The following EDA variants were observed in gnomAD, a reference collection of about 807,000 sequenced individuals.
The protein encoded by EDA is ectodysplasin A.
In EDA, 2 loss-of-function variants were observed where a neutral mutation model predicts 23.6. The observed-to-expected ratio is 0.08, with a 90% CI of 0.03 to 0.27. EDA has a LOEUF of 0.27. Among genes scored for constraint, EDA ranks in the 10% least tolerant of loss-of-function variants. The pLI, the probability that EDA is intolerant of heterozygous loss-of-function variation, is 1.00. For missense variants in EDA, 229 were observed against 324.2 expected (o/e 0.71, Z 2.26); for synonymous variants, 131 against 132.0 (o/e 0.99, Z 0.05).
intron 1 of EDA, among the ~76,000 whole-genome samples, chrX:69,913,597 G>T (rs1036839995): frequency 2.7e-5 from 3 of 112,249 alleles, no homozygotes; most frequent in Non-Finnish European, 5.6e-5. Flanking sequence ...CGGCAATAAG[G>T]CTGTTTTTCT....
chrX:69,783,232 A>G, intron 1 of EDA, among the ~76,000 whole-genome samples: 1 of 111,561 alleles, frequency 9.0e-6, no homozygotes, highest in Middle Eastern at 4.6e-3. Context: ...GAAGATGGAA[A>G]TCTTTAAGCA....
chrX:69,863,523 ATG>A (rs199661484), intron 1 of EDA, among the ~76,000 whole-genome samples: 22,452 of 61,209 alleles, frequency 0.37, 2,266 homozygotes, highest in Middle Eastern at 0.44. Flanking sequence ...ATGTATATAT[ATG>A]TGTGTGTATA....
intron 2 of EDA, among the ~76,000 whole-genome samples, chrX:69,999,884 G>A (rs959998178): frequency 9.0e-6 from 1 of 111,291 alleles, no homozygotes; most frequent in Non-Finnish European, 1.9e-5. Flanking sequence ...TATATTTATA[G>A]TGTGTCATGA....
chrX:69,621,701 C>T (rs1932186499), intron 1 of EDA, among the ~76,000 whole-genome samples: 1 of 111,639 alleles, frequency 9.0e-6, no homozygotes, highest in Admixed American at 9.5e-5. Flanking sequence ...GTTTTCGTGA[C>T]ATCCATTCAG....
intron 1 of EDA, among the ~76,000 whole-genome samples, chrX:69,750,002 AAGTT>A (rs2013773118): frequency 9.8e-6 from 1 of 102,028 alleles, no homozygotes; most frequent in African/African-American, 3.6e-5. Context: ...AAAATAAAAC[AAGTT>A]AGTTTTCTTT....
chrX:70,003,718 G>A lies in EDA; in HGVS notation c.503-19500G>A, dbSNP rs374858742. On this transcript the variant is annotated intron_variant, in intron 2 of 7. Transcript: ENST00000374552. ...AAAGCTTCTATAACCAAATAAGTTT[G>A]GGAAATGCTGCATTTCATATCCCCT... Among the ~76,000 whole-genome samples, 3 of 111,941 alleles carry A rather than the reference G, an allele frequency of 2.7e-5. No homozygotes were observed. The East Asian group carries it at 8.4e-4, about 31-fold the overall frequency.
At chrX:69,672,881 CA>C (rs746423731) in intron 1 of EDA, among the ~76,000 whole-genome samples, 15,428 of 70,491 alleles carry the variant, frequency 0.22, 1,089 homozygotes, top group Non-Finnish European at 0.25. Flanking sequence ...GACAACGTCT[CA>C]AAAAAAAAAA....
At chrX:69,799,870 G>A (rs1433581823) in intron 1 of EDA, among the ~76,000 whole-genome samples, 2 of 105,426 alleles carry the variant, frequency 1.9e-5, no homozygotes, top group Admixed American at 2.1e-4. Context: ...CCACTACTGG[G>A]AATTTATCCA....
intron 1 of EDA, among the ~76,000 whole-genome samples, chrX:69,695,533 G>A (rs768564685): frequency 7.7e-4 from 62 of 81,027 alleles, no homozygotes; most frequent in African/African-American, 2.4e-3. Flanking sequence ...TTTTTTTGAC[G>A]GAGTCTAGCA....
At chrX:69,776,682 C>G (rs948565392) in intron 1 of EDA, among the ~76,000 whole-genome samples, 1 of 111,316 alleles carries the variant, frequency 9.0e-6, no homozygotes, top group Non-Finnish European at 1.9e-5. Flanking sequence ...TCCTAATCAT[C>G]TGCCTATCTA....
At chrX:69,925,270 T>A (rs982219775) in intron 1 of EDA, among the ~76,000 whole-genome samples, 1 of 111,978 alleles carries the variant, frequency 8.9e-6, no homozygotes, top group African/African-American at 3.2e-5. Flanking sequence ...CCATTGAATA[T>A]GATATTGGCT....
At chrX:69,835,090 G>A (rs190298345) in intron 1 of EDA, among the ~76,000 whole-genome samples, 230 of 111,253 alleles carry the variant, frequency 2.1e-3, no homozygotes, top group Middle Eastern at 4.7e-3. Context: ...TCAGCTGTTA[G>A]TCTGATGGAC....
At chrX:69,772,407 C>T (rs1213001715) in intron 1 of EDA, among the ~76,000 whole-genome samples, 2 of 112,196 alleles carry the variant, frequency 1.8e-5, no homozygotes, top group Non-Finnish European at 3.8e-5. Context: ...TCATTTTATA[C>T]AATGTTAGCT....
chrX:69,919,969 A>G (rs1442267517), intron 1 of EDA, among the ~76,000 whole-genome samples: 1 of 111,318 alleles, frequency 9.0e-6, no homozygotes, highest in Admixed American at 9.5e-5. Context: ...GAGCATTGCT[A>G]TTTAACTTTG....
chrX:69,650,013 A>G (rs1299839931), intron 1 of EDA, among the ~76,000 whole-genome samples: 1 of 111,999 alleles, frequency 8.9e-6, no homozygotes, highest in Non-Finnish European at 1.9e-5. Context: ...TTATTATACT[A>G]TTTGTGTTCA....
intron 2 of EDA, among the ~76,000 whole-genome samples, chrX:69,972,750 A>G (rs991815794): frequency 1.8e-5 from 2 of 111,663 alleles, no homozygotes; most frequent in Non-Finnish European, 3.8e-5. Context: ...TGAAAAACCA[A>G]TTTTTAAAAT....
At chrX:69,995,606 T>C (rs1243763464) in intron 2 of EDA, among the ~76,000 whole-genome samples, 5 of 112,206 alleles carry the variant, frequency 4.5e-5, no homozygotes, top group Non-Finnish European at 9.4e-5. Flanking sequence ...CAGAAGCAGA[T>C]GTCTCCCATA....
At chrX:69,972,297 TAATACAG>T (rs2019258745) in intron 2 of EDA, among the ~76,000 whole-genome samples, 1 of 111,380 alleles carries the variant, frequency 9.0e-6, no homozygotes, top group African/African-American at 3.3e-5. Flanking sequence ...TTTATTGGCA[TAATACAG>T]AGCTTAGATA....
intron 2 of EDA, among the ~76,000 whole-genome samples, chrX:69,967,305 C>T (rs1484814281): frequency 9.0e-6 from 1 of 110,567 alleles, no homozygotes; most frequent in Non-Finnish European, 1.9e-5. Context: ...GATTTGAGTT[C>T]CTAGGTAGAA....
Sources: allele counts gnomAD v4.1 joint callset (sites outside exome capture counted in the v4.1 genomes callset), GRCh38; gene constraint gnomAD v4.1.1; transcripts MANE v1.5; gene names NCBI Gene and HGNC (gene_info 2026-07-23, HGNC 2026-07-21).